SGIP1: variants seen among roughly 807,000 people sequenced by gnomAD.
SGIP1 encodes the protein SH3-containing GRB2-like protein 3-interacting protein 1.
A neutral mutation model predicts 107.5 loss-of-function variants in SGIP1; 38 were observed. That is an observed-to-expected ratio of 0.35 (90% CI 0.27 to 0.46). SGIP1 has a LOEUF of 0.46. Among genes scored for constraint, SGIP1 ranks in the 20% least tolerant of loss-of-function variants. SGIP1 has a pLI of 1.00. For synonymous variants in SGIP1, 365 were observed against 366.1 expected (o/e 1.00, Z 0.03); for missense variants, 929 against 1,019.5 (o/e 0.91, Z 1.21).
At chr1:66,545,113 T>C (rs1412849364) in intron 1 of SGIP1, among the ~76,000 whole-genome samples, 2 of 152,172 alleles carry the variant, frequency 1.3e-5, no homozygotes, top group Non-Finnish European at 2.9e-5. Context: ...TGCTTCCACC[T>C]TCCAATGAAT....
At chr1:66,656,596 C>T (rs2079839293) in intron 7 of SGIP1, among the ~76,000 whole-genome samples, 2 of 152,138 alleles carry the variant, frequency 1.3e-5, no homozygotes, top group Admixed American at 6.6e-5. Flanking sequence ...CGCAGTCCAT[C>T]GTTGACCAAA....
chr1:66,580,807 T>C (rs2061712755), intron 1 of SGIP1, among the ~76,000 whole-genome samples: 1 of 152,174 alleles, frequency 6.6e-6, no homozygotes, highest in Non-Finnish European at 1.5e-5. Context: ...CACCACGCAA[T>C]GCTGAAATAC....
chr1:66,682,006 A>G lies in SGIP1; in HGVS notation c.952A>G (p.Thr318Ala), dbSNP rs1268252690. Residue 318 changes from threonine (T) to alanine (A), a missense_variant, in exon 15 of 25, where the codon ACA (threonine) becomes GCA (alanine). Physicochemically the swap from Thr to Ala is moderately conservative, Grantham distance 58. Around this residue, in one of 2 missense-constraint regions of SGIP1, gnomAD observed 588 missense variants for 588.6 expected, o/e 1.00. Transcript: ENST00000371037. ...AGAAAAGTGGGTCCATTTTTCTGAT[A>G]CATCCCCGGAACATGTTACTCCGGA... ...AEEKWVHFSD[T>A]SPEHVTPELT... is the part of the protein sequence containing the mutation. The G allele has an allele frequency of 1.2e-6, 2 of 1,614,052 alleles. No homozygotes were observed. The highest frequency in any genetic ancestry group is 1.1e-5 in the South Asian group (1 of 91,076).
At chr1:66,736,642 C>T (rs530572827) in intron 21 of SGIP1, among the ~76,000 whole-genome samples, 18 of 147,130 alleles carry the variant, frequency 1.2e-4, no homozygotes, top group African/African-American at 4.5e-4. Context: ...TAATATATTG[C>T]GTATTATATG....
At chr1:66,613,637 TAAG>T (rs1300668747) in intron 1 of SGIP1, among the ~76,000 whole-genome samples, 1 of 152,186 alleles carries the variant, frequency 6.6e-6, no homozygotes, top group Non-Finnish European at 1.5e-5. Context: ...GCCTAAAATC[TAAG>T]GTCTTTAACC....
At chr1:66,732,367 A>C (rs2094050877) in intron 20 of SGIP1, among the ~76,000 whole-genome samples, 1 of 152,106 alleles carries the variant, frequency 6.6e-6, no homozygotes, top group Non-Finnish European at 1.5e-5. Context: ...GAGCTTGGGT[A>C]ACTTAGATGC....
intron 19 of SGIP1, among the ~76,000 whole-genome samples, chr1:66,728,854 C>T (rs940219810): frequency 5.9e-5 from 9 of 152,024 alleles, no homozygotes; most frequent in Non-Finnish European, 1.3e-4. Flanking sequence ...AACACAGGAA[C>T]AGAAAAACAA....
chr1:66,711,675 A>T (rs1231859733), intron 18 of SGIP1, among the ~76,000 whole-genome samples: 3 of 152,022 alleles, frequency 2.0e-5, no homozygotes. Context: ...CATAAGGGTC[A>T]TTTGCCTCCT....
chr1:66,693,489 A>G (rs563978362), intron 17 of SGIP1, among the ~76,000 whole-genome samples: 1 of 152,324 alleles, frequency 6.6e-6, no homozygotes, highest in Admixed American at 6.5e-5. Flanking sequence ...GAGTCAAGCT[A>G]ATAGAATATT....
chr1:66,642,934 T>C (rs959022469), intron 6 of SGIP1, 70 bp downstream of exon 6: 1 of 1,319,992 alleles, frequency 7.6e-7, no homozygotes, highest in African/African-American at 1.5e-5. Flanking sequence ...AATTCAGATT[T>C]TACAAAAGTA....
chr1:66,739,470 G>C lies in SGIP1; in HGVS notation c.2167G>C (p.Val723Leu). ...GACGACTGCTGTGGCCCTCAACAAT[G>C]TGCAGTTCCTGGTCCCCATCGACGG... ...AMTTAVALNN[V>L]QFLVPIDGGV... The change falls in exon 22 of 25, where the codon GTG becomes CTG. Residue 723 changes from valine (V) to leucine (L), a missense_variant. Physicochemically the swap from Val to Leu is conservative, Grantham distance 32. Coordinates refer to ENST00000371037, the MANE Select transcript of SGIP1 (RefSeq NM_032291.4). 1 of 1,614,122 alleles carries C rather than the reference G, an allele frequency of 6.2e-7. No homozygotes were observed. Among genetic ancestry groups the C allele is most frequent in the East Asian group, 2.2e-5 (1 of 44,870 alleles).
At chr1:66,551,784 A>C (rs945869720) in intron 1 of SGIP1, among the ~76,000 whole-genome samples, 2 of 152,162 alleles carry the variant, frequency 1.3e-5, no homozygotes, top group African/African-American at 4.8e-5. Context: ...CATGAAAAAC[A>C]ATTGCATAGA....
At chr1:66,632,658 A>C (rs895359948) in intron 2 of SGIP1, among the ~76,000 whole-genome samples, 1 of 152,154 alleles carries the variant, frequency 6.6e-6, no homozygotes, top group Non-Finnish European at 1.5e-5. Flanking sequence ...ATCTCTCAAA[A>C]ATACATAGAT....
At chr1:66,620,439 A>G (rs1333258289) in intron 1 of SGIP1, among the ~76,000 whole-genome samples, 2 of 152,192 alleles carry the variant, frequency 1.3e-5, no homozygotes, top group African/African-American at 2.4e-5. Flanking sequence ...GGTTTAATTG[A>G]CTCACAGTTC....
At chr1:66,600,864 G>C (rs2065664727) in intron 1 of SGIP1, among the ~76,000 whole-genome samples, 1 of 152,128 alleles carries the variant, frequency 6.6e-6, no homozygotes, top group Non-Finnish European at 1.5e-5. Context: ...GCTTGGAACA[G>C]GTAAGATACC....
chr1:66,555,326 A>G (rs961243302), intron 1 of SGIP1, among the ~76,000 whole-genome samples: 1 of 152,100 alleles, frequency 6.6e-6, no homozygotes, highest in Non-Finnish European at 1.5e-5. Context: ...GAACCTATCC[A>G]AAATATATTT....
intron 12 of SGIP1, among the ~76,000 whole-genome samples, chr1:66,676,187 G>A (rs1405930420): frequency 6.6e-6 from 1 of 152,184 alleles, no homozygotes; most frequent in Non-Finnish European, 1.5e-5. Flanking sequence ...GAGAGGTTAA[G>A]CAACCTGCCA....
intron 8 of SGIP1, among the ~76,000 whole-genome samples, chr1:66,664,303 T>C (rs1475565866): frequency 6.6e-6 from 1 of 152,156 alleles, no homozygotes; most frequent in Non-Finnish European, 1.5e-5. Flanking sequence ...AAAGGTGGAT[T>C]CAATAGGTAG....
intron 19 of SGIP1, among the ~76,000 whole-genome samples, chr1:66,720,225 G>A (rs1222294242): frequency 6.6e-6 from 1 of 151,988 alleles, no homozygotes; most frequent in African/African-American, 2.4e-5. Flanking sequence ...ACTTAACAAA[G>A]AGATTTGTAA....
Sources: gnomAD v4.1 joint callset for allele counts (sites outside exome capture counted in the v4.1 genomes callset) on GRCh38, gnomAD v4.1.1 for gene constraint, gnomAD v4.1.1 regional missense constraint, MANE v1.5 for transcripts, NCBI Gene and HGNC (gene_info 2026-07-23, HGNC 2026-07-21) for gene names.